The following COLGALT2 variants were observed in gnomAD, a reference collection of about 807,000 sequenced individuals.
The protein encoded by COLGALT2 is collagen beta(1-O)galactosyltransferase 2, also known as procollagen galactosyltransferase 2.
In COLGALT2, 49 loss-of-function variants were observed where a neutral mutation model predicts 73.4. That is an observed-to-expected ratio of 0.67 (90% confidence interval 0.53 to 0.85). The LOEUF is 0.85. Among genes scored for constraint, COLGALT2 ranks in the 40% least tolerant of loss-of-function variants. COLGALT2 has a pLI of 0.00. For missense variants in COLGALT2, 722 were observed against 790.2 expected, an observed-to-expected ratio of 0.91 and a Z score of 1.03; for synonymous variants, 295 against 307.6, an observed-to-expected ratio of 0.96 and a Z score of 0.43.
In COLGALT2 at chr1:183,969,447, G is replaced by A. The variant is rs180776188; in HGVS notation, c.654C>T (p.Tyr218=). The A allele has an allele frequency of 6.4e-5, 104 of 1,612,448 alleles. No homozygotes were observed. Among genetic ancestry groups the A allele is most frequent in the Middle Eastern group, 1.7e-4 (1 of 6,050 alleles). Residue 218 remains tyrosine, a synonymous_variant, in exon 5 of 12, where the codon TAC becomes TAT. Coordinates refer to ENST00000361927, the MANE Select transcript of COLGALT2 (RefSeq NM_015101.4). ...TCCTCTTCCATTCTCGAATCTGAAC[G>A]TAGTCTGGGGTCCTCTTATAGAAGC... ...PKGFYKRTPD[Y]VQIREWKRTG...
chr1:183,975,205 A>G lies in COLGALT2; in HGVS notation c.384T>C (p.Pro128=), dbSNP rs1472300677. ...WRPMDEPESY[P]DEIGPKHWPT... The stretch of plus-strand genomic sequence containing the variant: ...GCCAGTGCTTTGGTCCAATTTCATC[A>G]GGGTAAGACCTAAAATAATAATAAT... Residue 128 remains proline, a synonymous_variant, in exon 3 of 12, where the codon CCT becomes CCC. Transcript: ENST00000361927. 1 of 1,609,862 alleles carries G rather than the reference A, an allele frequency of 6.2e-7. No individual in the cohort carries two copies. Among genetic ancestry groups the G allele is most frequent in the Admixed American group, 1.7e-5 (1 of 59,990 alleles).
At chr1:183,932,347 A>G (rs1016456814), downstream of COLGALT2, among the ~76,000 whole-genome samples, 1 of 152,154 alleles carries the variant, frequency 6.6e-6, no homozygotes, top group African/African-American at 2.4e-5. Flanking sequence ...TTCATGCTGT[A>G]TTAAACTACA....
chr1:184,024,380 T>G (rs1317359583), intron 1 of COLGALT2, among the ~76,000 whole-genome samples: 1 of 149,660 alleles, frequency 6.7e-6, no homozygotes, highest in Non-Finnish European at 1.5e-5. Context: ...TTTGACAGAG[T>G]GTTACTCTGT....
chr1:184,012,276 A>G (rs149146420), intron 1 of COLGALT2, among the ~76,000 whole-genome samples: 1 of 152,370 alleles, frequency 6.6e-6, no homozygotes, highest in East Asian at 1.9e-4. Flanking sequence ...ATATTGTATT[A>G]GTAATACAAA....
chr1:184,012,646 C>T (rs1648848721), intron 1 of COLGALT2, among the ~76,000 whole-genome samples: 1 of 152,096 alleles, frequency 6.6e-6, no homozygotes, highest in Non-Finnish European at 1.5e-5. Context: ...TTCCTATCAT[C>T]AAAAAAGCAA....
chr1:183,974,385 T>C (rs911462107), intron 3 of COLGALT2, among the ~76,000 whole-genome samples: 3 of 152,238 alleles, frequency 2.0e-5, no homozygotes, highest in African/African-American at 7.2e-5. Context: ...ATTTTACCTT[T>C]TGTAGGTTTT....
intron 3 of COLGALT2, among the ~76,000 whole-genome samples, chr1:183,974,803 C>A (rs1314346572): frequency 6.6e-6 from 1 of 152,202 alleles, no homozygotes; most frequent in Non-Finnish European, 1.5e-5. Context: ...TTACCTACAG[C>A]CTTTCCTGTG....
intron 11 of COLGALT2, among the ~76,000 whole-genome samples, 200 bp from the exon 12 acceptor site, chr1:183,939,237 T>C (rs1644326997): frequency 1.3e-5 from 2 of 152,186 alleles, no homozygotes; most frequent in African/African-American, 4.8e-5. Context: ...AGCAAAAAGA[T>C]CAGGACATTT....
chr1:183,974,094 T>A (rs1671127074), intron 3 of COLGALT2, among the ~76,000 whole-genome samples: 1 of 152,222 alleles, frequency 6.6e-6, no homozygotes, highest in Non-Finnish European at 1.5e-5. Context: ...TCAAAAACAC[T>A]TATTGGCTGC....
At position 183,930,533 on chromosome 1, in the gene COLGALT2, C is replaced by T. The variant is rs371784267; in HGVS notation, c.1605-244G>A. Among the ~76,000 whole-genome samples, 29 of 151,672 alleles carry T rather than the reference C, an allele frequency of 1.9e-4. No individual in the cohort carries two copies. The East Asian group carries it at 3.9e-3, about 20-fold the overall frequency. ...CCTCATGAGTAGCTGGGACTACATC[C>T]GCAAGCCACCAATGCCCTGCTAATT... On this transcript the variant is annotated intron_variant, in intron 11 of 11. Transcript: ENST00000649786.
intron 5 of COLGALT2, 27 bp from the exon 6 acceptor site, chr1:183,964,047 C>T (rs1670797502): frequency 6.2e-7 from 1 of 1,610,136 alleles, no homozygotes; most frequent in South Asian, 1.1e-5. Flanking sequence ...GGGACAAAGC[C>T]AACAATCAGA....
intron 1 of COLGALT2, among the ~76,000 whole-genome samples, chr1:183,984,273 T>A (rs928689382): frequency 1.3e-5 from 2 of 152,150 alleles, no homozygotes; most frequent in African/African-American, 4.8e-5. Flanking sequence ...GGCGTGGTGG[T>A]GTGTGCCTGT....
chr1:184,005,054 T>C (rs1276329457), intron 1 of COLGALT2, among the ~76,000 whole-genome samples: 2 of 152,310 alleles, frequency 1.3e-5, no homozygotes, highest in African/African-American at 4.8e-5. Context: ...AACAGAGGCA[T>C]GATGGAATGC....
intron 1 of COLGALT2, among the ~76,000 whole-genome samples, chr1:183,998,654 C>A (rs6698329): frequency 0.098 from 14,963 of 152,060 alleles, 1,141 homozygotes; most frequent in East Asian, 0.4. Context: ...TTAAATTAAT[C>A]GTCTGGAGAG....
intron 3 of COLGALT2, among the ~76,000 whole-genome samples, chr1:183,974,230 A>G (rs1671130101): frequency 6.6e-6 from 1 of 152,224 alleles, no homozygotes; most frequent in Non-Finnish European, 1.5e-5. Flanking sequence ...CATTATATCA[A>G]CCCATGCTAA....
chr1:184,021,150 C>T (rs1649169193), intron 1 of COLGALT2, among the ~76,000 whole-genome samples: 1 of 152,124 alleles, frequency 6.6e-6, no homozygotes, highest in African/African-American at 2.4e-5. Context: ...GGTGCTGTTA[C>T]AGTTCACTGT....
At chr1:183,985,094 C>T (rs1380129646) in intron 1 of COLGALT2, among the ~76,000 whole-genome samples, 1 of 152,172 alleles carries the variant, frequency 6.6e-6, no homozygotes, top group African/African-American at 2.4e-5. Context: ...AGTCTTGCCT[C>T]TTAAGACTCA....
chr1:184,031,443 A>T (rs1366732546), intron 1 of COLGALT2, among the ~76,000 whole-genome samples: 1 of 152,274 alleles, frequency 6.6e-6, no homozygotes, highest in East Asian at 1.9e-4. Context: ...TTATCAAGAC[A>T]GCGGAAGAGA....
intron 1 of COLGALT2, among the ~76,000 whole-genome samples, chr1:184,008,373 G>T (rs947662470): frequency 6.6e-6 from 1 of 152,160 alleles, no homozygotes; most frequent in African/African-American, 2.4e-5. Context: ...GTTTTAAAAA[G>T]AAAATTCTAT....
Sources: gnomAD v4.1 joint callset for allele counts (sites outside exome capture counted in the v4.1 genomes callset) on GRCh38, gnomAD v4.1.1 for gene constraint, MANE v1.5 for transcripts, NCBI Gene and HGNC (gene_info 2026-07-23, HGNC 2026-07-21) for gene names.